The following CACNB2 variants were observed in gnomAD, a reference collection of about 807,000 sequenced individuals.
The protein encoded by CACNB2 is calcium voltage-gated channel auxiliary subunit beta 2.
In CACNB2, 42 loss-of-function variants were observed where a neutral mutation model predicts 73.3. That is an observed-to-expected ratio of 0.57 (90% CI 0.45 to 0.74). The LOEUF (loss-of-function observed/expected upper bound fraction) is 0.74, where lower values mean the gene tolerates loss of function less well. CACNB2 is among the 30% of genes least tolerant of loss of function. CACNB2 has a pLI of 0.00. For synonymous variants in CACNB2, 348 were observed against 310.3 expected (o/e 1.12, Z -1.28); for missense variants, 940 against 853.0 (o/e 1.10, Z -1.27).
chr10:18,465,358 C>T (rs1481043000), intron 3 of CACNB2, among the ~76,000 whole-genome samples: 1 of 152,004 alleles, frequency 6.6e-6, no homozygotes, highest in African/African-American at 2.4e-5. Flanking sequence ...AGAAACAAGA[C>T]TTCAGGGCTA....
Position 18,539,897 on chromosome 10 carries a change from C to G in CACNB2, c.*173C>G. 4 of 733,544 alleles carry G rather than the reference C, an allele frequency of 5.5e-6. No individual in the cohort carries two copies. Among genetic ancestry groups the G allele is most frequent in the Non-Finnish European group, 6.4e-6 (3 of 466,040 alleles). The allele number at this position is 733,544 out of a possible 1,614,324, so 45.4% of individuals were successfully genotyped here. A position where few individuals can be genotyped will look rare whatever the true frequency, so the allele number is the denominator to read the frequency against. The stretch of plus-strand genomic sequence containing the variant: ...ATAGCATGGATAGAGTATTGAGATA[C>G]TTTTTCTTTTGTAAGTGCTACATAA... On this transcript the variant is annotated 3_prime_UTR_variant, in exon 14 of 14. Transcript: ENST00000324631.
At chr10:18,280,424 G>A (rs962319638) in intron 2 of CACNB2, among the ~76,000 whole-genome samples, 2 of 152,122 alleles carry the variant, frequency 1.3e-5, no homozygotes, top group African/African-American at 4.8e-5. Context: ...ATTTGAACAC[G>A]TTGAGCCTGG....
intron 3 of CACNB2, among the ~76,000 whole-genome samples, chr10:18,461,227 C>A (rs1237635233): frequency 6.6e-6 from 1 of 152,168 alleles, no homozygotes; most frequent in Non-Finnish European, 1.5e-5. Flanking sequence ...CTTGCTCTAT[C>A]TTTACACCAG....
chr10:18,195,734 C>G (rs117461341), intron 2 of CACNB2, among the ~76,000 whole-genome samples: 1 of 152,260 alleles, frequency 6.6e-6, no homozygotes, highest in South Asian at 2.1e-4. Flanking sequence ...GGGGCTCACC[C>G]CTCAATCTGT....
intron 2 of CACNB2, among the ~76,000 whole-genome samples, chr10:18,245,769 T>C (rs989510491): frequency 4.6e-5 from 7 of 152,080 alleles, no homozygotes; most frequent in African/African-American, 1.7e-4. Context: ...CAGCAAGGTA[T>C]AGTCTAGTAA....
intron 4 of CACNB2, among the ~76,000 whole-genome samples, chr10:18,500,154 G>A (rs2050115828): frequency 6.6e-6 from 1 of 152,068 alleles, no homozygotes; most frequent in South Asian, 2.1e-4. Context: ...GCTGAAAGGG[G>A]GATCTTTCCA....
At chr10:18,286,143 G>C (rs1448233379) in intron 2 of CACNB2, among the ~76,000 whole-genome samples, 1 of 152,102 alleles carries the variant, frequency 6.6e-6, no homozygotes, top group Non-Finnish European at 1.5e-5. Context: ...TAACATTTTA[G>C]CATGGACATT....
At chr10:18,148,557 C>G (rs2031218136) in intron 1 of CACNB2, among the ~76,000 whole-genome samples, 1 of 152,192 alleles carries the variant, frequency 6.6e-6, no homozygotes, top group South Asian at 2.1e-4. Context: ...TTGTGTGGCT[C>G]TCACAGTGCC....
chr10:18,265,981 C>G (rs1017750325), intron 2 of CACNB2, among the ~76,000 whole-genome samples: 2 of 152,100 alleles, frequency 1.3e-5, no homozygotes, highest in Non-Finnish European at 2.9e-5. Context: ...CTTATAAGAT[C>G]CACACTTTCC....
chr10:18,481,232 T>TATATATA (rs2048751915), intron 3 of CACNB2, among the ~76,000 whole-genome samples: 3 of 18,928 alleles, frequency 1.6e-4, no homozygotes, highest in South Asian at 3.5e-3. Flanking sequence ...ATATATATAT[T>TATATATA]TTTTTTTTTT....
chr10:18,275,411 T>G (rs1588910685), intron 2 of CACNB2, among the ~76,000 whole-genome samples: 1 of 152,238 alleles, frequency 6.6e-6, no homozygotes, highest in Admixed American at 6.5e-5. Context: ...ACACACGTGG[T>G]TTTGAATATC....
intron 3 of CACNB2, among the ~76,000 whole-genome samples, chr10:18,408,205 C>G (rs777104398): frequency 7.1e-6 from 1 of 140,738 alleles, no homozygotes; most frequent in Non-Finnish European, 1.5e-5. Flanking sequence ...TTCAAATGAA[C>G]TTAAGGAAAC....
intron 3 of CACNB2, among the ~76,000 whole-genome samples, chr10:18,415,468 A>T (rs1192377940): frequency 7.0e-4 from 2 of 2,870 alleles, no homozygotes; most frequent in Non-Finnish European, 1.6e-3. Flanking sequence ...CTTGTCTCTT[A>T]AAAAAAAAAA....
chr10:18,283,991 A>C (rs2038676823), intron 2 of CACNB2, among the ~76,000 whole-genome samples: 1 of 152,140 alleles, frequency 6.6e-6, no homozygotes, highest in Admixed American at 6.6e-5. Context: ...ATTATTCATC[A>C]CTGATACCAG....
chr10:18,294,178 A>T (rs1276560643), intron 2 of CACNB2, among the ~76,000 whole-genome samples: 3 of 152,214 alleles, frequency 2.0e-5, no homozygotes, highest in African/African-American at 7.2e-5. Context: ...ACTCCATGTG[A>T]TAAACATGAA....
intron 2 of CACNB2, among the ~76,000 whole-genome samples, chr10:18,350,633 T>C (rs564290748): frequency 1.3e-5 from 2 of 152,252 alleles, no homozygotes; most frequent in South Asian, 4.2e-4. Flanking sequence ...GGAGGTGAGA[T>C]TGCCCATCAG....
chr10:18,295,988 CTTTTTGCGTGTTT>C (rs1271117472), intron 2 of CACNB2, among the ~76,000 whole-genome samples: 10 of 107,962 alleles, frequency 9.3e-5, no homozygotes, highest in African/African-American at 3.1e-4. Context: ...AATCACTATT[CTTTTTGCGTGTTT>C]TTTTTTTTTT....
chr10:18,510,313 G>C (rs956898952), intron 6 of CACNB2, among the ~76,000 whole-genome samples: 5 of 151,046 alleles, frequency 3.3e-5, no homozygotes, highest in Admixed American at 3.3e-4. Context: ...CTCTTTCTTT[G>C]TTTTTTTTTG....
intron 10 of CACNB2, among the ~76,000 whole-genome samples, chr10:18,532,697 C>CAA (rs1187679628): frequency 1.6e-5 from 2 of 125,112 alleles, no homozygotes; most frequent in Non-Finnish European, 3.2e-5. Flanking sequence ...AAAAAAAAAA[C>CAA]AAAACAAAAA....
Sources: allele counts gnomAD v4.1 joint callset (sites outside exome capture counted in the v4.1 genomes callset), GRCh38; gene constraint gnomAD v4.1.1; transcripts MANE v1.5; gene names NCBI Gene and HGNC (gene_info 2026-07-23, HGNC 2026-07-21).